Variants in THEMIS observed in about 807,000 individuals in gnomAD.
THEMIS encodes the protein thymocyte selection associated.
Under a neutral mutation model 52.6 loss-of-function variants are expected in THEMIS, and 37 were observed. The ratio of observed to expected loss-of-function variants is 0.70; its 90% CI spans 0.54 to 0.93. The LOEUF is 0.93. THEMIS is among the 40% of genes least tolerant of loss of function. The pLI is 0.00. For missense variants in THEMIS, 808 were observed against 763.1 expected (o/e 1.06, Z -0.69); for synonymous variants, 292 against 272.7 (o/e 1.07, Z -0.70).
intron 1 of THEMIS, among the ~76,000 whole-genome samples, chr6:127,863,056 G>A (rs927861498): frequency 2.6e-5 from 4 of 152,118 alleles, no homozygotes; most frequent in African/African-American, 9.7e-5. Context: ...TTAGTCAAAT[G>A]AAATCTGGCA....
intron 1 of THEMIS, among the ~76,000 whole-genome samples, chr6:127,883,009 C>T (rs1327127730): frequency 6.6e-6 from 1 of 151,946 alleles, no homozygotes; most frequent in African/African-American, 2.4e-5. Context: ...CATTATTCAA[C>T]ATACTTATTC....
intron 1 of THEMIS, among the ~76,000 whole-genome samples, chr6:127,863,124 G>A (rs890992195): frequency 1.1e-4 from 17 of 152,104 alleles, no homozygotes; most frequent in African/African-American, 3.9e-4. Context: ...CTGAATTGAG[G>A]CATAAAACTC....
chr6:127,887,140 C>A (rs938616464), intron 1 of THEMIS, among the ~76,000 whole-genome samples: 13 of 151,742 alleles, frequency 8.6e-5, no homozygotes, highest in African/African-American at 3.1e-4. Flanking sequence ...AATATATTTG[C>A]AAATCAAATA....
chr6:127,770,563 A>G (rs911476176), intron 4 of THEMIS, among the ~76,000 whole-genome samples: 20 of 152,070 alleles, frequency 1.3e-4, no homozygotes, highest in African/African-American at 4.8e-4. Flanking sequence ...ATTTTCTCCC[A>G]TTCTGTAGGT....
At chr6:127,785,220 T>TTATCTATCTATCTATC (rs71028106) in intron 4 of THEMIS, among the ~76,000 whole-genome samples, 3,086 of 93,822 alleles carry the variant, frequency 0.033, 77 homozygotes, top group Middle Eastern at 0.1. Context: ...ATTATCTATC[T>TTATCTATCTATCTATC]TATCTATCTA....
intron 3 of THEMIS, among the ~76,000 whole-genome samples, chr6:127,822,259 T>C (rs1465246511): frequency 1.3e-5 from 2 of 152,096 alleles, no homozygotes; most frequent in African/African-American, 4.8e-5. Flanking sequence ...TAAAATTTGC[T>C]TTACAGTTCA....
At chr6:127,777,448 C>T (rs1776603759) in intron 4 of THEMIS, among the ~76,000 whole-genome samples, 1 of 152,066 alleles carries the variant, frequency 6.6e-6, no homozygotes, top group African/African-American at 2.4e-5. Context: ...CAGGAAAGCA[C>T]ATTTTTCAAT....
chr6:127,733,490 G>A (rs1319625425), intron 4 of THEMIS, among the ~76,000 whole-genome samples: 1 of 152,184 alleles, frequency 6.6e-6, no homozygotes, highest in African/African-American at 2.4e-5. Flanking sequence ...GTGCCACTGT[G>A]CACCCCTAGG....
chr6:127,910,399 C>T (rs983969397), intron 1 of THEMIS, among the ~76,000 whole-genome samples: 17 of 152,052 alleles, frequency 1.1e-4, no homozygotes, highest in African/African-American at 3.9e-4. Flanking sequence ...AAAATTCTTG[C>T]TATAAACAGT....
At chr6:127,905,090 A>G (rs1285372237), upstream of THEMIS, among the ~76,000 whole-genome samples, 1 of 152,076 alleles carries the variant, frequency 6.6e-6, no homozygotes, top group Admixed American at 6.6e-5. Flanking sequence ...ATTTTAAGAG[A>G]TAATAGCTGA....
At chr6:127,872,302 T>C (rs1780180928) in intron 1 of THEMIS, among the ~76,000 whole-genome samples, 1 of 152,190 alleles carries the variant, frequency 6.6e-6, no homozygotes, top group Admixed American at 6.5e-5. Context: ...CTGGGAGTGG[T>C]GGCTCACACC....
At chr6:127,764,326 A>ATT (rs143455507) in intron 4 of THEMIS, among the ~76,000 whole-genome samples, 26 of 149,186 alleles carry the variant, frequency 1.7e-4, no homozygotes, top group Non-Finnish European at 2.4e-4. Context: ...ATCTTGAGGC[A>ATT]TTTTTTTTTT....
At chr6:127,766,115 C>T (rs1050789642) in intron 4 of THEMIS, among the ~76,000 whole-genome samples, 5 of 152,064 alleles carry the variant, frequency 3.3e-5, no homozygotes, top group Admixed American at 1.3e-4. Flanking sequence ...TATTTGAAAT[C>T]GCTGTCTAAT....
At chr6:127,744,302 C>T (rs1339082568) in intron 4 of THEMIS, among the ~76,000 whole-genome samples, 1 of 151,984 alleles carries the variant, frequency 6.6e-6, no homozygotes, top group African/African-American at 2.4e-5. Context: ...TACCCCCAGG[C>T]TCTTCATACT....
At chr6:127,809,650 C>T (rs1777833470) in intron 4 of THEMIS, among the ~76,000 whole-genome samples, 2 of 151,898 alleles carry the variant, frequency 1.3e-5, no homozygotes, top group Non-Finnish European at 2.9e-5. Flanking sequence ...GCAGGGATTC[C>T]CTGACAATAT....
intron 4 of THEMIS, among the ~76,000 whole-genome samples, chr6:127,798,067 C>G (rs947558757): frequency 6.6e-6 from 1 of 152,202 alleles, no homozygotes; most frequent in East Asian, 1.9e-4. Context: ...ATCACAGACA[C>G]AGATGAATAC....
chr6:127,782,759 C>G (rs1047781564), intron 4 of THEMIS, among the ~76,000 whole-genome samples: 2 of 151,998 alleles, frequency 1.3e-5, no homozygotes, highest in Admixed American at 1.3e-4. Flanking sequence ...ACTCCACCTC[C>G]TCTTCCATGC....
At chr6:127,731,759 G>A (rs1384616729) in intron 4 of THEMIS, among the ~76,000 whole-genome samples, 1 of 143,184 alleles carries the variant, frequency 7.0e-6, no homozygotes. Flanking sequence ...GTGCAGCGGC[G>A]CGATCTTGGC....
intron 4 of THEMIS, among the ~76,000 whole-genome samples, chr6:127,787,393 C>T (rs1349546155): frequency 6.6e-6 from 1 of 152,136 alleles, no homozygotes; most frequent in Non-Finnish European, 1.5e-5. Context: ...TCCACTAGGT[C>T]CGCCAAGATG....
Sources: allele counts gnomAD v4.1 joint callset (sites outside exome capture counted in the v4.1 genomes callset), GRCh38; gene constraint gnomAD v4.1.1; transcripts MANE v1.5; gene names NCBI Gene and HGNC (gene_info 2026-07-23, HGNC 2026-07-21).